LNP1: variants seen among roughly 807,000 people sequenced by gnomAD.
LNP1 encodes leukemia NUP98 fusion partner 1.
Under a neutral mutation model 14.5 loss-of-function variants are expected in LNP1, and 12 were observed. The ratio of observed to expected loss-of-function variants is 0.83; its 90% confidence interval spans 0.53 to 1.34. The LOEUF (loss-of-function observed/expected upper bound fraction) is 1.34, where lower values mean the gene tolerates loss of function less well. LNP1 is among the 40% of genes most tolerant of loss of function. The probability of loss-of-function intolerance (pLI) is 0.00; values close to 1 mark genes in which losing one functional copy is unlikely to be tolerated. For synonymous variants in LNP1, 75 were observed against 71.4 expected (o/e 1.05, Z -0.26); for missense variants, 198 against 210.9 (o/e 0.94, Z 0.38).
At chr3:100,441,754 G>A (rs765227432) in intron 2 of LNP1, among the ~76,000 whole-genome samples, 6 of 151,816 alleles carry the variant, frequency 4.0e-5, no homozygotes, top group East Asian at 1.9e-4. Flanking sequence ...CCTCCACCTC[G>A]TGAGTTCAGG....
chr3:100,442,904 A>G (rs1707357806), intron 2 of LNP1, among the ~76,000 whole-genome samples: 1 of 152,164 alleles, frequency 6.6e-6, no homozygotes, highest in Admixed American at 6.5e-5. Flanking sequence ...ATGCAGGCTC[A>G]TTTTTAGCAA....
At chr3:100,407,659 AT>A (rs1706983064) in intron 1 of LNP1, among the ~76,000 whole-genome samples, 1 of 152,152 alleles carries the variant, frequency 6.6e-6, no homozygotes, top group Admixed American at 6.5e-5. Context: ...GTTTTCTGCT[AT>A]TACTGCTTTA....
chr3:100,442,545 G>A lies in LNP1; in HGVS notation c.157-9174G>A, dbSNP rs115026630. ...CAGGAAGACTCAAAGTGGGGAGGGG[G>A]CTTCCAGGTTATGGGTAGATAAGAG... On this transcript the variant is annotated intron_variant, in intron 2 of 3. Coordinates refer to ENST00000383693, the MANE Select transcript of LNP1 (RefSeq NM_001085451.2). 4.3e-3 allele frequency among the ~76,000 whole-genome samples: 659 copies of A among 152,284 alleles called. 5 individuals carry two copies. The highest frequency in any genetic ancestry group is 0.015 in the African/African-American group (613 of 41,560).
intron 3 of LNP1, among the ~76,000 whole-genome samples, chr3:100,454,588 T>C (rs1359712463): frequency 6.6e-6 from 1 of 152,226 alleles, no homozygotes; most frequent in African/African-American, 2.4e-5. Flanking sequence ...AATTCTTTCA[T>C]TTTGATATTT....
intron 2 of LNP1, among the ~76,000 whole-genome samples, chr3:100,441,583 C>T (rs916552152): frequency 1.6e-4 from 24 of 151,478 alleles, no homozygotes; most frequent in African/African-American, 5.6e-4. Flanking sequence ...TCATTTTTTA[C>T]CTATAGTTTA....
intron 2 of LNP1, among the ~76,000 whole-genome samples, chr3:100,432,301 C>A (rs577962061): frequency 1.1e-4 from 16 of 151,812 alleles, no homozygotes; most frequent in African/African-American, 3.6e-4. Flanking sequence ...TTCCCCACTT[C>A]TCCTTGAATG....
chr3:100,452,871 G>A (rs1707473593), intron 3 of LNP1, among the ~76,000 whole-genome samples: 1 of 152,186 alleles, frequency 6.6e-6, no homozygotes, highest in African/African-American at 2.4e-5. Context: ...TAATGTGGGG[G>A]TAGTTTCAAC....
intron 1 of LNP1, among the ~76,000 whole-genome samples, chr3:100,417,776 T>G (rs551515873): frequency 1.1e-4 from 17 of 152,306 alleles, no homozygotes; most frequent in South Asian, 1.0e-3. Context: ...GCTTTGCTTT[T>G]CTTTTTCGGG....
At position 100,404,598 on chromosome 3, in the gene LNP1, A is replaced by T. The variant is rs554068154; in HGVS notation, c.-34+2159A>T. ...TCTTCAATCTCTCCATTAGTAACCA[A>T]AGTAAATCTCATTGCTTCAGGTACC... On this transcript the variant is annotated intron_variant, in intron 1 of 3. Transcript: ENST00000383693. Among the ~76,000 whole-genome samples the T allele has an allele frequency of 2.0e-5, 3 of 152,264 alleles. No individual in the cohort carries two copies. In the South Asian group the frequency reaches 6.2e-4, roughly 32 times the overall value.
chr3:100,444,458 G>A (rs1405330522), intron 2 of LNP1, among the ~76,000 whole-genome samples: 1 of 152,078 alleles, frequency 6.6e-6, no homozygotes. Flanking sequence ...TTTTATATTT[G>A]ATAATGCTTC....
intron 2 of LNP1, among the ~76,000 whole-genome samples, chr3:100,441,148 A>C (rs1390063096): frequency 1.3e-5 from 2 of 152,220 alleles, no homozygotes; most frequent in Non-Finnish European, 2.9e-5. Context: ...CAAATGTCTA[A>C]ATTACAGTGG....
chr3:100,437,099 C>T (rs1707300332), intron 2 of LNP1, among the ~76,000 whole-genome samples: 4 of 152,198 alleles, frequency 2.6e-5, no homozygotes, highest in African/African-American at 9.6e-5. Context: ...TTTGTTATAG[C>T]AGCCCAAGCT....
intron 2 of LNP1, among the ~76,000 whole-genome samples, chr3:100,450,833 A>C (rs919558358): frequency 6.6e-5 from 10 of 152,184 alleles, no homozygotes; most frequent in African/African-American, 2.4e-4. Context: ...TTCCATCATC[A>C]TGGCAACAGG....
intron 1 of LNP1, among the ~76,000 whole-genome samples, chr3:100,418,885 AATCCC>A: frequency 6.6e-6 from 1 of 152,220 alleles, no homozygotes. Flanking sequence ...GGAGAGAACA[AATCCC>A]TCCCAGTTTC....
At chr3:100,438,967 G>A (rs376852775) in intron 2 of LNP1, among the ~76,000 whole-genome samples, 5 of 151,862 alleles carry the variant, frequency 3.3e-5, no homozygotes, top group African/African-American at 9.7e-5. Flanking sequence ...AATAGAGCTC[G>A]CATAGCAAGT....
chr3:100,440,251 A>T (rs1707333414), intron 2 of LNP1, among the ~76,000 whole-genome samples: 1 of 152,230 alleles, frequency 6.6e-6, no homozygotes, highest in Admixed American at 6.5e-5. Context: ...AGCTAAGTGC[A>T]GTAACATTCA....
chr3:100,409,608 T>TATA (rs1559839244), intron 1 of LNP1, among the ~76,000 whole-genome samples: 2 of 87,548 alleles, frequency 2.3e-5, no homozygotes, highest in African/African-American at 1.5e-4. Flanking sequence ...ATATATATAT[T>TATA]TTTTTTTTTT....
At chr3:100,425,192 G>A (rs1047842964) in intron 1 of LNP1, among the ~76,000 whole-genome samples, 5 of 152,192 alleles carry the variant, frequency 3.3e-5, no homozygotes, top group Admixed American at 1.3e-4. Flanking sequence ...GAAAACATGC[G>A]TTAGTCAGGT....
At chr3:100,418,936 A>G (rs965549316) in intron 1 of LNP1, among the ~76,000 whole-genome samples, 1 of 152,144 alleles carries the variant, frequency 6.6e-6, no homozygotes, top group Non-Finnish European at 1.5e-5. Context: ...TGTGCTTTCC[A>G]AACTATTGGC....
Sources: allele counts gnomAD v4.1 joint callset (sites outside exome capture counted in the v4.1 genomes callset), GRCh38; gene constraint gnomAD v4.1.1; transcripts MANE v1.5; gene names NCBI Gene and HGNC (gene_info 2026-07-23, HGNC 2026-07-21).